The following ELMO1 variants were observed in gnomAD, a reference collection of about 807,000 sequenced individuals.
The protein encoded by ELMO1 is engulfment and cell motility 1.
ELMO1 carries 26 observed loss-of-function variants against 98.9 expected under a neutral mutation model. That is an observed-to-expected ratio of 0.26 (90% CI 0.19 to 0.36). The LOEUF (loss-of-function observed/expected upper bound fraction) is 0.36. Among genes scored for constraint, ELMO1 ranks in the 10% least tolerant of loss-of-function variants. The probability of loss-of-function intolerance (pLI) is 1.00; values close to 1 mark genes in which losing one functional copy is unlikely to be tolerated. For synonymous variants in ELMO1, 346 were observed against 346.0 expected, an observed-to-expected ratio of 1.00 and a Z score of 0.00; for missense variants, 627 against 935.2, an observed-to-expected ratio of 0.67 and a Z score of 4.30.
chr7:37,151,260 G>A (rs1339117920), intron 13 of ELMO1, among the ~76,000 whole-genome samples: 1 of 152,112 alleles, frequency 6.6e-6, no homozygotes, highest in Non-Finnish European at 1.5e-5. Context: ...TAGCCCTCTG[G>A]GCTTTAAAAA....
At chr7:37,244,460 T>C in intron 6 of ELMO1, 69 bp from the exon 7 acceptor site, 3 of 1,523,936 alleles carry the variant, frequency 2.0e-6, no homozygotes, top group Middle Eastern at 1.7e-4. Flanking sequence ...AAAGAACATA[T>C]CTTGAAGAAA....
Position 37,159,698 on chromosome 7 carries a change from C to CAAA in ELMO1, c.1087-26467_1087-26465dup, listed in dbSNP as rs879273880. ...AGGGTGACACAGCGAGACTCTGTCTCAAAAAATAATAATAATAATAATAAT... is the reference window on the plus strand; with the variant it reads ...AGGGTGACACAGCGAGACTCTGTCTCAAAAAAAAATAATAATAATAATAATAAT... On this transcript the variant is annotated intron_variant, in intron 13 of 21. Coordinates refer to ENST00000310758, the MANE Select transcript of ELMO1 (RefSeq NM_014800.11). Among the ~76,000 whole-genome samples the CAAA allele has an allele frequency of 7.8e-3, 1,149 of 148,198 alleles. 7 individuals carry two copies. The highest frequency in any genetic ancestry group is 0.012 in the Non-Finnish European group (827 of 67,002).
At chr7:36,919,793 A>G (rs1784998604) in intron 16 of ELMO1, among the ~76,000 whole-genome samples, 1 of 152,092 alleles carries the variant, frequency 6.6e-6, no homozygotes, top group Admixed American at 6.6e-5. Flanking sequence ...TCAGAATGGG[A>G]GCCCTTCCTG....
intron 13 of ELMO1, among the ~76,000 whole-genome samples, chr7:37,210,481 T>G (rs932440699): frequency 6.6e-6 from 1 of 151,238 alleles, no homozygotes; most frequent in Non-Finnish European, 1.5e-5. Flanking sequence ...ATTATTAGTA[T>G]ATATACAGAT....
chr7:37,053,331 C>CACAA (rs1491059293), intron 15 of ELMO1, among the ~76,000 whole-genome samples: 1 of 147,622 alleles, frequency 6.8e-6, no homozygotes, highest in Non-Finnish European at 1.5e-5. Flanking sequence ...CACACACACA[C>CACAA]AGAAAACAAC....
At chr7:37,275,354 T>G (rs1796774865) in intron 4 of ELMO1, among the ~76,000 whole-genome samples, 1 of 152,222 alleles carries the variant, frequency 6.6e-6, no homozygotes, top group Non-Finnish European at 1.5e-5. Flanking sequence ...CAAGGTTCAC[T>G]CCTTCTTTTT....
Position 36,863,832 on chromosome 7 carries a change from C to T in ELMO1, c.1906-2096G>A, listed in dbSNP as rs186097158. Among the ~76,000 whole-genome samples, 282 of 151,994 alleles carry T rather than the reference C, an allele frequency of 1.9e-3. 1 individual carries two copies. Among genetic ancestry groups the T allele is most frequent in the African/African-American group, 6.6e-3 (275 of 41,444 alleles). ...TCTCTTCTTACAACTTTTTTTTCAACAAAATGCTAAGCTATAATTTCAAAA... is the reference window on the plus strand; with the variant it reads ...TCTCTTCTTACAACTTTTTTTTCAATAAAATGCTAAGCTATAATTTCAAAA... On this transcript the variant is annotated intron_variant, in intron 20 of 21. Transcript: ENST00000310758.
intron 13 of ELMO1, among the ~76,000 whole-genome samples, chr7:37,206,037 C>T (rs954800071): frequency 6.6e-5 from 10 of 152,144 alleles, no homozygotes; most frequent in Non-Finnish European, 1.3e-4. Context: ...ACTTTCACCA[C>T]GGATTTTCAC....
At chr7:37,052,226 T>C (rs1020865416) in intron 15 of ELMO1, among the ~76,000 whole-genome samples, 2 of 152,188 alleles carry the variant, frequency 1.3e-5, no homozygotes, top group Non-Finnish European at 2.9e-5. Flanking sequence ...AGAATATGAC[T>C]GCCTACTCCA....
rs1281810581 is a variant in ELMO1 at position 37,233,181 on chromosome 7, G to A, written c.463C>T (p.Leu155=). 4.3e-6 allele frequency: 7 copies of A among 1,613,322 alleles called. No homozygotes were observed. Among genetic ancestry groups the A allele is most frequent in the Non-Finnish European group, 5.9e-6 (7 of 1,179,718 alleles). ...ACGAAGGCCGTCAGGGTGAAGGACA[G>A]CATGTCTCCAAAGCTGAAAAAGACA... The part of the protein sequence containing the change: ...KIMKPCFGDM[L]SFTLTAFVEL... The change falls in exon 8 of 22, where the codon CTG becomes TTG. Residue 155 remains leucine, a synonymous_variant. Transcript: ENST00000310758.
chr7:37,176,553 C>T (rs1457791556), intron 13 of ELMO1, among the ~76,000 whole-genome samples: 2 of 152,068 alleles, frequency 1.3e-5, no homozygotes, highest in Non-Finnish European at 2.9e-5. Flanking sequence ...AAAATATATA[C>T]AATGCATCAA....
At chr7:37,036,202 A>G (rs749431591) in intron 15 of ELMO1, among the ~76,000 whole-genome samples, 2 of 151,948 alleles carry the variant, frequency 1.3e-5, no homozygotes, top group Non-Finnish European at 2.9e-5. Flanking sequence ...AAATTTTCCA[A>G]CCTATTTATT....
intron 16 of ELMO1, among the ~76,000 whole-genome samples, chr7:36,941,596 T>C (rs1367227939): frequency 1.3e-5 from 2 of 152,254 alleles, no homozygotes; most frequent in Non-Finnish European, 2.9e-5. Context: ...ATAACACCTA[T>C]GAATTTCTCA....
At chr7:37,353,473 C>G (rs1315056779) in intron 1 of ELMO1, 1 of 164,698 alleles carries the variant, frequency 6.1e-6, no homozygotes, top group Non-Finnish European at 1.3e-5. Context: ...CCGGTGGGTT[C>G]GTGGTCTCGC....
At position 36,878,133 on chromosome 7, in the gene ELMO1, C is replaced by G; in HGVS notation, c.1715-16G>C. 1 of 1,586,170 alleles carries G rather than the reference C, an allele frequency of 6.3e-7. No homozygotes were observed. Among genetic ancestry groups the G allele is most frequent in the South Asian group, 1.1e-5 (1 of 90,274 alleles). ...CAAAACTTGTCTGAGAGAAAAAACACAAGTTTACAAGGTAAGTGATTGTGG... is the reference window on the plus strand; with the variant it reads ...CAAAACTTGTCTGAGAGAAAAAACAGAAGTTTACAAGGTAAGTGATTGTGG... On this transcript the variant is annotated splice_polypyrimidine_tract_variant and intron_variant, in intron 18 of 21. Transcript: ENST00000310758.
At chr7:37,387,196 C>T (rs1183974004) in intron 1 of ELMO1, among the ~76,000 whole-genome samples, 1 of 152,222 alleles carries the variant, frequency 6.6e-6, no homozygotes. Flanking sequence ...GTCTGAGGTA[C>T]TAAACTCAAC....
At chr7:37,418,665 G>A (rs142069799) in intron 1 of ELMO1, among the ~76,000 whole-genome samples, 59 of 152,288 alleles carry the variant, frequency 3.9e-4, no homozygotes, top group South Asian at 6.2e-4. Context: ...AGATAACCTC[G>A]GTCAGATGCT....
chr7:37,065,470 C>A (rs1475732417), intron 15 of ELMO1, among the ~76,000 whole-genome samples: 1 of 152,172 alleles, frequency 6.6e-6, no homozygotes, highest in Non-Finnish European at 1.5e-5. Flanking sequence ...GCAGCATTCA[C>A]TGGTACCTCC....
At chr7:37,025,796 C>T (rs569587384) in intron 15 of ELMO1, among the ~76,000 whole-genome samples, 140 of 151,450 alleles carry the variant, frequency 9.2e-4, no homozygotes, top group African/African-American at 2.7e-3. Flanking sequence ...AATGATAAAT[C>T]TCATATATAT....
Sources: gnomAD v4.1 joint callset for allele counts (sites outside exome capture counted in the v4.1 genomes callset) on GRCh38, gnomAD v4.1.1 for gene constraint, MANE v1.5 for transcripts, NCBI Gene and HGNC (gene_info 2026-07-23, HGNC 2026-07-21) for gene names.